Variants in STXBP5L observed in about 807,000 individuals in gnomAD.
The protein encoded by STXBP5L is syntaxin-binding protein 5-like.
Under a neutral mutation model 144.5 loss-of-function variants are expected in STXBP5L, and 65 were observed. The ratio of observed to expected loss-of-function variants is 0.45; its 90% CI spans 0.37 to 0.55. The LOEUF is 0.55. STXBP5L is among the 20% of genes least tolerant of loss of function. The probability of loss-of-function intolerance (pLI) is 0.00; values close to 1 mark genes in which losing one functional copy is unlikely to be tolerated. For missense variants in STXBP5L, 1,298 were observed against 1,405.5 expected, an observed-to-expected ratio of 0.92 and a Z score of 1.22; for synonymous variants, 505 against 469.6, an observed-to-expected ratio of 1.08 and a Z score of -0.97.
intron 18 of STXBP5L, among the ~76,000 whole-genome samples, chr3:121,264,757 G>A (rs539593848): frequency 6.7e-6 from 1 of 148,616 alleles, no homozygotes; most frequent in Non-Finnish European, 1.5e-5. Flanking sequence ...ACACACATAG[G>A]CTCAAAATAA....
chr3:121,118,237 C>G (rs2044313408), intron 6 of STXBP5L, among the ~76,000 whole-genome samples: 1 of 151,632 alleles, frequency 6.6e-6, no homozygotes, highest in Non-Finnish European at 1.5e-5. Context: ...TATAATATGG[C>G]AATTCCATAA....
At chr3:121,079,706 G>T (rs1187001949) in intron 5 of STXBP5L, among the ~76,000 whole-genome samples, 1 of 152,118 alleles carries the variant, frequency 6.6e-6, no homozygotes. Context: ...ATATGATTTT[G>T]ATTTTCTTAG....
intron 3 of STXBP5L, among the ~76,000 whole-genome samples, chr3:121,039,512 C>T (rs977664987): frequency 4.0e-5 from 6 of 151,746 alleles, no homozygotes; most frequent in Admixed American, 6.6e-5. Context: ...TATATTTACC[C>T]ATATATTTAT....
chr3:121,025,875 A>G lies in STXBP5L; in HGVS notation c.288-15825A>G, dbSNP rs1040929750. ...AAGTATATCATTAAATTATATTATA[A>G]TTATTTATATATTTATAATATATAA... On this transcript the variant is annotated intron_variant, in intron 3 of 26. Transcript: ENST00000471454. 4.8e-5 allele frequency among the ~76,000 whole-genome samples: 7 copies of G among 146,858 alleles called. No homozygotes were observed. The East Asian group carries it at 1.4e-3, about 29-fold the overall frequency.
At chr3:121,008,700 T>A (rs1452649628) in intron 3 of STXBP5L, among the ~76,000 whole-genome samples, 1 of 152,058 alleles carries the variant, frequency 6.6e-6, no homozygotes, top group Non-Finnish European at 1.5e-5. Context: ...ATAATAGTAC[T>A]ACTAGTATAT....
chr3:121,004,158 G>A (rs1944045212), intron 3 of STXBP5L, among the ~76,000 whole-genome samples: 1 of 152,128 alleles, frequency 6.6e-6, no homozygotes, highest in Non-Finnish European at 1.5e-5. Flanking sequence ...CCATTTTCAT[G>A]ATATTGATTC....
chr3:121,368,522 T>C (rs2045932649), intron 20 of STXBP5L, among the ~76,000 whole-genome samples: 1 of 152,098 alleles, frequency 6.6e-6, no homozygotes, highest in South Asian at 2.1e-4. Flanking sequence ...TGGGCCATCC[T>C]TCCCTGTCTC....
chr3:120,920,655 C>T (rs990227263), intron 2 of STXBP5L, among the ~76,000 whole-genome samples: 2 of 151,518 alleles, frequency 1.3e-5, no homozygotes, highest in African/African-American at 2.4e-5. Context: ...ATTTTCCCAC[C>T]CTCCTTCCAG....
chr3:121,399,555 T>C (rs1202135740), intron 22 of STXBP5L, among the ~76,000 whole-genome samples: 2 of 152,222 alleles, frequency 1.3e-5, no homozygotes, highest in African/African-American at 2.4e-5. Context: ...ATTGTTTCTA[T>C]ATTAAATTAA....
At chr3:121,013,982 G>A (rs1446181747) in intron 3 of STXBP5L, among the ~76,000 whole-genome samples, 4 of 151,952 alleles carry the variant, frequency 2.6e-5, no homozygotes, top group Non-Finnish European at 4.4e-5. Flanking sequence ...TCTCTCTTCT[G>A]TTCCATTGGT....
intron 5 of STXBP5L, among the ~76,000 whole-genome samples, chr3:121,062,231 T>A (rs1301572671): frequency 1.3e-5 from 2 of 152,188 alleles, no homozygotes; most frequent in Admixed American, 6.5e-5. Flanking sequence ...TAAAGGATTT[T>A]ATTTCCCTTT....
intron 3 of STXBP5L, among the ~76,000 whole-genome samples, chr3:120,977,277 T>G (rs373114241): frequency 2.7e-4 from 41 of 152,330 alleles, no homozygotes; most frequent in Admixed American, 5.2e-4. Context: ...TCTTGTTGAA[T>G]TGATCCCTTT....
chr3:121,407,615 C>T lies in STXBP5L; in HGVS notation c.2948+12C>T. The T allele has an allele frequency of 6.2e-7, 1 of 1,612,634 alleles. No individual in the cohort carries two copies. The highest frequency in any genetic ancestry group is 1.1e-5 in the South Asian group (1 of 91,032). On this transcript the variant is annotated intron_variant, in intron 23 of 26. Coordinates refer to ENST00000471454, the MANE Select transcript of STXBP5L (RefSeq NM_001308330.2). ...ATCATGATAATGAGGTACTTGCCTT[C>T]TTATAAATTATCTGGTAATCACAAC...
At chr3:121,185,305 G>A (rs1398932469) in intron 9 of STXBP5L, among the ~76,000 whole-genome samples, 3 of 152,120 alleles carry the variant, frequency 2.0e-5, no homozygotes, top group African/African-American at 7.2e-5. Flanking sequence ...AGTTTAATTA[G>A]ATCCCATTTG....
intron 3 of STXBP5L, among the ~76,000 whole-genome samples, chr3:120,977,547 G>T (rs1374252702): frequency 6.6e-6 from 1 of 152,062 alleles, no homozygotes; most frequent in East Asian, 1.9e-4. Flanking sequence ...CTTTTACATT[G>T]AAAGTTAATA....
At chr3:121,329,363 G>T (rs2044251298) in intron 20 of STXBP5L, among the ~76,000 whole-genome samples, 1 of 152,196 alleles carries the variant, frequency 6.6e-6, no homozygotes, top group Non-Finnish European at 1.5e-5. Flanking sequence ...GGTGCTTTAA[G>T]ATCTGGCATG....
chr3:121,068,600 A>C (rs933510558), intron 5 of STXBP5L, among the ~76,000 whole-genome samples: 8 of 152,110 alleles, frequency 5.3e-5, no homozygotes, highest in African/African-American at 1.9e-4. Context: ...AATGACAGCA[A>C]CTTGCACTTT....
At chr3:121,284,862 A>T (rs1201003991) in intron 19 of STXBP5L, among the ~76,000 whole-genome samples, 1 of 152,116 alleles carries the variant, frequency 6.6e-6, no homozygotes, top group Non-Finnish European at 1.5e-5. Context: ...AAGCTCTAGG[A>T]TTTCAAATCA....
chr3:121,039,993 A>T (rs1319365277), intron 3 of STXBP5L, among the ~76,000 whole-genome samples: 1 of 152,022 alleles, frequency 6.6e-6, no homozygotes, highest in Non-Finnish European at 1.5e-5. Context: ...TATCTTCTGT[A>T]TATCTACTTA....
Sources: gnomAD v4.1 joint callset for allele counts (sites outside exome capture counted in the v4.1 genomes callset) on GRCh38, gnomAD v4.1.1 for gene constraint, MANE v1.5 for transcripts, NCBI Gene and HGNC (gene_info 2026-07-23, HGNC 2026-07-21) for gene names.